The following NLRP7 variants were observed in gnomAD, a reference collection of about 807,000 sequenced individuals.
The protein encoded by NLRP7 is NACHT, LRR and PYD domains-containing protein 7.
A neutral mutation model predicts 85.5 loss-of-function variants in NLRP7; 72 were observed. The observed-to-expected ratio is 0.84, with a 90% CI of 0.70 to 1.02. The LOEUF (loss-of-function observed/expected upper bound fraction) is 1.02. Among genes scored for constraint, NLRP7 ranks in the 50% least tolerant of loss-of-function variants. NLRP7 has a pLI of 0.00. For missense variants in NLRP7, 1,243 were observed against 1,219.5 expected (o/e 1.02, Z -0.29); for synonymous variants, 550 against 505.2 (o/e 1.09, Z -1.19).
At chr19:54,954,767 A>C (rs1432053681) in intron 1 of NLRP7, among the ~76,000 whole-genome samples, 1 of 151,866 alleles carries the variant, frequency 6.6e-6, no homozygotes, top group Non-Finnish European at 1.5e-5. Flanking sequence ...AATCACTTGA[A>C]CTGAAGTGAT....
In NLRP7 at chr19:54,941,495, TCA is replaced by T. The variant is rs1450556529; in HGVS notation, c.215_216del (p.Val72GlufsTer13). ...GTGAGATTCATCTCTTCCAAGATGT[TCA>T]CAGTCGCATTCCTTATCCAATTTTC... On this transcript the variant is annotated frameshift_variant, in exon 2 of 10. Transcript: ENST00000340844. LOFTEE classifies it high-confidence loss of function. 3 of 1,613,942 alleles carry T rather than the reference TCA, an allele frequency of 1.9e-6. No homozygotes were observed. Among genetic ancestry groups the T allele is most frequent in the East Asian group, 2.2e-5 (1 of 44,880 alleles).
At chr19:54,935,799 G>A (rs373111923) in intron 6 of NLRP7, among the ~76,000 whole-genome samples, 7 of 152,036 alleles carry the variant, frequency 4.6e-5, no homozygotes, top group African/African-American at 1.2e-4. Context: ...ATTCTCCTCA[G>A]GCTCCCAAAG....
chr19:54,927,555 CA>C, intron 9 of NLRP7, 49 bp downstream of exon 10: 3 of 1,545,196 alleles, frequency 1.9e-6, no homozygotes, highest in East Asian at 2.4e-5. Context: ...GACTCCATCT[CA>C]AAAAAACAAA....
chr19:54,952,420 C>A (rs2069698810), upstream of NLRP7, among the ~76,000 whole-genome samples: 1 of 151,936 alleles, frequency 6.6e-6, no homozygotes, highest in Non-Finnish European at 1.5e-5. Context: ...TAGTGAAACC[C>A]CGTTTCTACT....
intron 1 of NLRP7, among the ~76,000 whole-genome samples, chr19:54,961,344 C>G (rs2070036111): frequency 6.6e-6 from 1 of 151,958 alleles, no homozygotes; most frequent in Non-Finnish European, 1.5e-5. Flanking sequence ...AACCCCGTGT[C>G]TACTAAAAAT....
chr19:54,954,648 C>T (rs1477686000), intron 1 of NLRP7, among the ~76,000 whole-genome samples: 3 of 151,536 alleles, frequency 2.0e-5, no homozygotes, highest in Non-Finnish European at 4.4e-5. Context: ...AGGTCAAGAT[C>T]AGCCTGGCCA....
At chr19:54,947,690 C>A (rs1348864699), upstream of NLRP7, 5 of 1,251,544 alleles carry the variant, frequency 4.0e-6, no homozygotes, top group Admixed American at 9.2e-5. Flanking sequence ...TGTAATTGGG[C>A]TTCAGTGGGC....
At chr19:54,963,923 C>T (rs1347874626) in intron 1 of NLRP7, among the ~76,000 whole-genome samples, 1 of 149,862 alleles carries the variant, frequency 6.7e-6, no homozygotes, top group Non-Finnish European at 1.5e-5. Context: ...CTCTGTCGCC[C>T]AGGGTGGAGT....
At chr19:54,947,518 C>G, upstream of NLRP7, 1 of 1,289,600 alleles carries the variant, frequency 7.8e-7, no homozygotes, top group Non-Finnish European at 1.0e-6. Flanking sequence ...GCAAAGGAAA[C>G]GGATAAAAAG....
intron 1 of NLRP7, among the ~76,000 whole-genome samples, chr19:54,960,737 AG>A (rs1275774941): frequency 3.3e-5 from 5 of 152,058 alleles, no homozygotes; most frequent in Non-Finnish European, 5.9e-5. Context: ...CTGGGACTAC[AG>A]GCACCCGCCA....
intron 1 of NLRP7, among the ~76,000 whole-genome samples, chr19:54,964,384 T>C (rs1050719301): frequency 6.6e-6 from 1 of 150,592 alleles, no homozygotes; most frequent in African/African-American, 2.4e-5. Flanking sequence ...GCCCGGCTAA[T>C]TTTTTGTATT....
In NLRP7 at chr19:54,957,285, G is replaced by T. The variant is rs184976938; in HGVS notation, c.-77+8755C>A. 4.1e-3 allele frequency among the ~76,000 whole-genome samples: 615 copies of T among 150,246 alleles called. 2 individuals carry two copies. The highest frequency in any genetic ancestry group is 6.6e-3 in the Non-Finnish European group (449 of 67,724). ...ATCCACCCATTTCGGTTCCCAAAGT[G>T]TTGAGATTACAGACCGTGAGCCACT... On this transcript the variant is annotated intron_variant, in intron 1 of 2. Coordinates refer to the NLRP7 transcript ENST00000587103.
chr19:54,931,837 A>G, intron 8 of NLRP7, among the ~76,000 whole-genome samples: 1 of 125,168 alleles, frequency 8.0e-6, no homozygotes, highest in Non-Finnish European at 1.6e-5. Context: ...TGACAGAGAG[A>G]GACTGTTAAA....
Position 54,939,253 on chromosome 19 carries a change from T to G in NLRP7, c.1566A>C (p.Leu522Phe), listed in dbSNP as rs371872366. 18 of 1,613,962 alleles carry G rather than the reference T, an allele frequency of 1.1e-5. No homozygotes were observed. In the African/African-American group the frequency reaches 2.1e-4, roughly 19 times the overall value. Residue 522 changes from leucine to phenylalanine, a missense_variant, in exon 4 of 10, where the codon TTA becomes TTC. Transcript: ENST00000340844. ...CTCTCTTCTCGTTAGCGAGGCCGAA[T>G]AAGAAGTGTCCTACTTGAATCAGGT...
intron 1 of NLRP7, among the ~76,000 whole-genome samples, chr19:54,955,537 G>C (rs2069823560): frequency 6.6e-6 from 1 of 152,002 alleles, no homozygotes; most frequent in South Asian, 2.1e-4. Context: ...GAGCACAGTG[G>C]CTGTAAGCCC....
chr19:54,963,565 T>A (rs2070144780), intron 1 of NLRP7, among the ~76,000 whole-genome samples: 1 of 151,438 alleles, frequency 6.6e-6, no homozygotes, highest in Non-Finnish European at 1.5e-5. Context: ...GGCTCATGCC[T>A]GTAATCCTAG....
chr19:54,945,174 C>T lies in NLRP7; in HGVS notation c.-40+2295G>A, dbSNP rs1279850831. Among the ~76,000 whole-genome samples the T allele has an allele frequency of 7.9e-5, 11 of 139,532 alleles. No homozygotes were observed. In the East Asian group the frequency reaches 2.5e-3, roughly 32 times the overall value. The allele number at this position is 139,532 out of a possible 152,430, so 91.5% of individuals were successfully genotyped here. On this transcript the variant is annotated intron_variant, in intron 1 of 9. Coordinates refer to ENST00000340844, the Ensembl canonical transcript of NLRP7. ...AGGAGAATGGCTTGAACCTGGGAGGCGGAGCTTGCAGTGAGCCAAGATCGC... is the reference window on the plus strand; with the variant it reads ...AGGAGAATGGCTTGAACCTGGGAGGTGGAGCTTGCAGTGAGCCAAGATCGC...
At chr19:54,935,421 C>T (rs146960252) in intron 6 of NLRP7, among the ~76,000 whole-genome samples, 3,739 of 152,078 alleles carry the variant, frequency 0.025, 134 homozygotes, top group African/African-American at 0.085. Flanking sequence ...CCTGGCCAGG[C>T]GCAGTGGTTC....
chr19:54,940,674 A>G (rs2069182262), intron 3 of NLRP7, among the ~76,000 whole-genome samples: 2 of 151,944 alleles, frequency 1.3e-5, no homozygotes, highest in Admixed American at 1.3e-4. Flanking sequence ...TAAAAATACA[A>G]AACATTAGCT....
Sources: gnomAD v4.1 joint callset for allele counts (sites outside exome capture counted in the v4.1 genomes callset) on GRCh38, gnomAD v4.1.1 for gene constraint, MANE v1.5 for transcripts, NCBI Gene and HGNC (gene_info 2026-07-23, HGNC 2026-07-21) for gene names.